CNTNAP2: variants seen among roughly 807,000 people sequenced by gnomAD.
The protein encoded by CNTNAP2 is contactin-associated protein-like 2.
CNTNAP2 carries 98 observed loss-of-function variants against 155.2 expected under a neutral mutation model. That is an observed-to-expected ratio of 0.63 (90% CI 0.54 to 0.75). The LOEUF is 0.75. CNTNAP2 is among the 30% of genes least tolerant of loss of function. The pLI, the probability that CNTNAP2 is intolerant of heterozygous loss-of-function variation, is 0.00. For missense variants in CNTNAP2, 1,727 were observed against 1,688.1 expected (o/e 1.02, Z -0.40); for synonymous variants, 651 against 631.2 (o/e 1.03, Z -0.47).
chr7:147,122,772 C>G (rs1363673239), intron 6 of CNTNAP2: 1 of 152,148 alleles, frequency 6.6e-6, no homozygotes, highest in African/African-American at 2.4e-5. Context: ...AAATTTCAAA[C>G]ATGCTATGGC....
At chr7:146,643,763 T>C (rs1799757750) in intron 1 of CNTNAP2, among the ~76,000 whole-genome samples, 1 of 152,168 alleles carries the variant, frequency 6.6e-6, no homozygotes, top group South Asian at 2.1e-4. Context: ...GTATGGCCAT[T>C]TTCATGATAT....
chr7:148,373,043 TCA>T (rs1365185227), intron 21 of CNTNAP2, among the ~76,000 whole-genome samples: 1 of 152,200 alleles, frequency 6.6e-6, no homozygotes, highest in Non-Finnish European at 1.5e-5. Context: ...TGGGAGGTCT[TCA>T]GGGGCAGTGA....
chr7:147,413,457 A>C (rs1203590783), intron 10 of CNTNAP2, among the ~76,000 whole-genome samples: 1 of 152,218 alleles, frequency 6.6e-6, no homozygotes. Flanking sequence ...AAAGTTATTT[A>C]CATGGTAAAC....
At chr7:147,459,292 T>C (rs188804868) in intron 10 of CNTNAP2, among the ~76,000 whole-genome samples, 3 of 152,334 alleles carry the variant, frequency 2.0e-5, no homozygotes, top group Non-Finnish European at 4.4e-5. Flanking sequence ...TCTCTCCACA[T>C]TCTGCTTGAA....
chr7:146,695,587 A>G (rs1800768679), intron 1 of CNTNAP2, among the ~76,000 whole-genome samples: 1 of 151,326 alleles, frequency 6.6e-6, no homozygotes, highest in South Asian at 2.1e-4. Flanking sequence ...TTTGTTTTTG[A>G]TTGTTTTTCA....
chr7:146,269,723 G>A (rs908012791), intron 1 of CNTNAP2, among the ~76,000 whole-genome samples: 1 of 152,174 alleles, frequency 6.6e-6, no homozygotes, highest in African/African-American at 2.4e-5. Context: ...TTAAACAAAT[G>A]TAAACATTAT....
At chr7:147,892,535 T>C (rs1799712698) in intron 13 of CNTNAP2, among the ~76,000 whole-genome samples, 1 of 152,198 alleles carries the variant, frequency 6.6e-6, no homozygotes, top group Admixed American at 6.5e-5. Flanking sequence ...TTAGAGTGAA[T>C]TGGCCTATTC....
intron 9 of CNTNAP2, among the ~76,000 whole-genome samples, chr7:147,321,080 G>C (rs1164410872): frequency 2.0e-5 from 3 of 152,196 alleles, no homozygotes; most frequent in Admixed American, 2.0e-4. Context: ...TTTAAAACCT[G>C]TTGACTATTC....
intron 13 of CNTNAP2, among the ~76,000 whole-genome samples, chr7:147,665,121 T>A (rs1199941808): frequency 1.3e-5 from 2 of 152,166 alleles, no homozygotes; most frequent in Non-Finnish European, 2.9e-5. Context: ...ATGAACCCCT[T>A]ATAACCCTTT....
At chr7:146,440,134 A>G (rs1254045731) in intron 1 of CNTNAP2, among the ~76,000 whole-genome samples, 1 of 151,670 alleles carries the variant, frequency 6.6e-6, no homozygotes, top group Non-Finnish European at 1.5e-5. Flanking sequence ...AAAACAAAAC[A>G]AAACAAAACA....
intron 13 of CNTNAP2, among the ~76,000 whole-genome samples, chr7:147,860,494 G>A (rs960920153): frequency 1.3e-5 from 2 of 151,158 alleles, no homozygotes; most frequent in Non-Finnish European, 2.9e-5. Context: ...GGAAGCTGAG[G>A]CATGAGAATC....
At chr7:148,099,717 G>A (rs1283813088) in intron 15 of CNTNAP2, among the ~76,000 whole-genome samples, 4 of 151,944 alleles carry the variant, frequency 2.6e-5, no homozygotes, top group Non-Finnish European at 5.9e-5. Flanking sequence ...TATCTCATGA[G>A]GAGCATCAAA....
At chr7:146,774,507 C>A (rs1802353604) in intron 2 of CNTNAP2, 126 bp downstream of exon 2, 1 of 691,392 alleles carries the variant, frequency 1.4e-6, no homozygotes, top group Non-Finnish European at 2.5e-6. Context: ...CCTGCCACTT[C>A]TATTAAAAGA....
chr7:146,865,317 T>C (rs1051374799), intron 3 of CNTNAP2, among the ~76,000 whole-genome samples: 2 of 152,076 alleles, frequency 1.3e-5, no homozygotes, highest in Admixed American at 6.6e-5. Flanking sequence ...TACAAGGTGA[T>C]TCAAAGTTTA....
chr7:146,603,585 A>G (rs538807004), intron 1 of CNTNAP2, among the ~76,000 whole-genome samples: 1 of 150,588 alleles, frequency 6.6e-6, no homozygotes, highest in African/African-American at 2.4e-5. Flanking sequence ...TAAAGTTCAT[A>G]TGGAACCAAA....
At chr7:147,258,410 A>T (rs1420267012) in intron 8 of CNTNAP2, among the ~76,000 whole-genome samples, 1 of 152,164 alleles carries the variant, frequency 6.6e-6, no homozygotes, top group African/African-American at 2.4e-5. Flanking sequence ...ATAAATATAT[A>T]TTAACTGGAC....
chr7:148,340,544 G>A (rs1798209695), intron 21 of CNTNAP2, among the ~76,000 whole-genome samples: 1 of 152,168 alleles, frequency 6.6e-6, no homozygotes, highest in Non-Finnish European at 1.5e-5. Flanking sequence ...TCCTCTCCCC[G>A]TAGGGACTGA....
chr7:147,705,976 G>A (rs1796308042), intron 13 of CNTNAP2, among the ~76,000 whole-genome samples: 2 of 151,520 alleles, frequency 1.3e-5, no homozygotes, highest in Admixed American at 1.3e-4. Flanking sequence ...GAAGAGAGTT[G>A]GCTCATTTTT....
At chr7:147,299,429 T>G (rs955150467) in intron 8 of CNTNAP2, among the ~76,000 whole-genome samples, 11 of 139,164 alleles carry the variant, frequency 7.9e-5, no homozygotes, top group East Asian at 4.5e-4. Context: ...TGATTTATTT[T>G]GCTGTTTTTT....
Sources: allele counts gnomAD v4.1 joint callset (sites outside exome capture counted in the v4.1 genomes callset), GRCh38; gene constraint gnomAD v4.1.1; transcripts MANE v1.5; gene names NCBI Gene and HGNC (gene_info 2026-07-23, HGNC 2026-07-21).